Variants in LARP1B observed in about 807,000 individuals in gnomAD.
LARP1B encodes la-related protein 1B.
Under a neutral mutation model 114.2 loss-of-function variants are expected in LARP1B, and 76 were observed. That is an observed-to-expected ratio of 0.67 (90% confidence interval 0.55 to 0.81). The LOEUF (loss-of-function observed/expected upper bound fraction) is 0.81. LARP1B is among the 30% of genes least tolerant of loss of function. The pLI, the probability that LARP1B is intolerant of heterozygous loss-of-function variation, is 0.00. For missense variants in LARP1B, 1,014 were observed against 1,075.8 expected, an observed-to-expected ratio of 0.94 and a Z score of 0.80; for synonymous variants, 345 against 348.0, an observed-to-expected ratio of 0.99 and a Z score of 0.10.
rs373381716 is a variant in LARP1B, at chr4:128,115,706, G to A, written c.1161+964G>A. Among the ~76,000 whole-genome samples the A allele has an allele frequency of 2.0e-5, 3 of 152,328 alleles. No individual in the cohort carries two copies. The East Asian group carries it at 5.8e-4, about 29-fold the overall frequency. ...GTCTCGCTCTGTCGCCCAGGCTGGGGTGCTGTTGCTGCCATGTTGGCTCAC... is the reference window on the plus strand; with the variant it reads ...GTCTCGCTCTGTCGCCCAGGCTGGGATGCTGTTGCTGCCATGTTGGCTCAC... On this transcript the variant is annotated intron_variant, in intron 10 of 19. Coordinates refer to ENST00000326639, the MANE Select transcript of LARP1B (RefSeq NM_018078.4).
chr4:128,153,409 C>T (rs1334163510), intron 11 of LARP1B, among the ~76,000 whole-genome samples: 5 of 151,688 alleles, frequency 3.3e-5, no homozygotes, highest in East Asian at 1.9e-4. Context: ...TTCCGCCTCC[C>T]GGATTCAAGC....
chr4:128,108,198 G>A (rs981531145), intron 9 of LARP1B: 9 of 1,203,324 alleles, frequency 7.5e-6, no homozygotes, highest in Admixed American at 4.3e-5. Flanking sequence ...TGGTGGGAAA[G>A]TTAATTATTA....
At chr4:128,194,730 G>A (rs1474800335) in intron 15 of LARP1B, among the ~76,000 whole-genome samples, 1 of 147,964 alleles carries the variant, frequency 6.8e-6, no homozygotes, top group East Asian at 2.0e-4. Flanking sequence ...GGCTGGATGT[G>A]GTGGCGCTCA....
intron 17 of LARP1B, among the ~76,000 whole-genome samples, chr4:128,201,266 C>T (rs1047073534): frequency 6.6e-6 from 1 of 152,144 alleles, no homozygotes; most frequent in Non-Finnish European, 1.5e-5. Flanking sequence ...TAGGAGGGTA[C>T]TACACAAGGT....
downstream of LARP1B, among the ~76,000 whole-genome samples, chr4:128,213,027 TC>T (rs1236229785): frequency 8.8e-5 from 13 of 146,978 alleles, no homozygotes; most frequent in African/African-American, 1.7e-4. Context: ...CAAGCAATTC[TC>T]CCGCCTCAGC....
chr4:128,178,364 A>T, intron 13 of LARP1B, 67 bp from the exon 14 acceptor site: 1 of 1,133,088 alleles, frequency 8.8e-7, no homozygotes, highest in Non-Finnish European at 1.3e-6. Context: ...TTACAAAATT[A>T]TCCTTATTCT....
intron 11 of LARP1B, among the ~76,000 whole-genome samples, chr4:128,147,676 T>A (rs1343859387): frequency 6.6e-6 from 1 of 152,164 alleles, no homozygotes; most frequent in African/African-American, 2.4e-5. Flanking sequence ...TGACCCAGAA[T>A]TCAAAATTAA....
chr4:128,065,325 C>CTCTCTCTCTTTCCTTT (rs1762281281), intron 1 of LARP1B, among the ~76,000 whole-genome samples: 1 of 125,628 alleles, frequency 8.0e-6, no homozygotes, highest in South Asian at 2.6e-4. Flanking sequence ...TTCTCTCTCT[C>CTCTCTCTCTTTCCTTT]TCTCTCTTTC....
In LARP1B at chr4:128,109,926, C is replaced by T. The variant is rs189366064; in HGVS notation, c.988+2613C>T. On this transcript the variant is annotated intron_variant, in intron 9 of 19. Coordinates refer to ENST00000326639, the MANE Select transcript of LARP1B (RefSeq NM_018078.4). ...GATATTTTTTTTGTTGTTGTTGAGA[C>T]GGAGCCTCACTCTGTCGCTCAGGCT... Among the ~76,000 whole-genome samples the T allele has an allele frequency of 5.9e-4, 89 of 151,502 alleles. 1 individual carries two copies. Among genetic ancestry groups the T allele is most frequent in the Non-Finnish European group, 1.1e-3 (75 of 67,990 alleles).
In LARP1B at chr4:128,210,351, C is replaced by T; in HGVS notation, c.*298C>T. The T allele has an allele frequency of 8.9e-7, 1 of 1,120,432 alleles. No individual in the cohort carries two copies. The allele number at this position is 1,120,432 out of a possible 1,614,324, so 69.4% of individuals were successfully genotyped here. A position where few individuals can be genotyped will look rare whatever the true frequency, so the allele number is the denominator to read the frequency against. ...TTGATCTCAGATTTCTTTTTCAAAG[C>T]CATGGTTTTACAAAAACAGCATTCC... On this transcript the variant is annotated 3_prime_UTR_variant, in exon 20 of 20. Coordinates refer to ENST00000326639, the MANE Select transcript of LARP1B (RefSeq NM_018078.4).
chr4:128,138,790 T>C (rs1726592367), intron 11 of LARP1B, among the ~76,000 whole-genome samples: 1 of 152,074 alleles, frequency 6.6e-6, no homozygotes, highest in Admixed American at 6.6e-5. Context: ...AAATCCTATC[T>C]CTACTAAAAA....
At chr4:128,122,313 T>C (rs1788205035) in intron 11 of LARP1B, 125 bp downstream of exon 11, 1 of 1,495,996 alleles carries the variant, frequency 6.7e-7, no homozygotes, top group African/African-American at 1.4e-5. Context: ...TGTATTTAAC[T>C]TGAAAAATTC....
intron 11 of LARP1B, among the ~76,000 whole-genome samples, chr4:128,145,990 G>T (rs1015329810): frequency 1.3e-5 from 2 of 152,148 alleles, no homozygotes; most frequent in African/African-American, 4.8e-5. Flanking sequence ...ATCACTATTG[G>T]TGTTAAATTA....
At chr4:128,220,013 G>A (rs1342346119) in intron 6 of LARP1B, among the ~76,000 whole-genome samples, 2 of 152,130 alleles carry the variant, frequency 1.3e-5, no homozygotes, top group Admixed American at 6.5e-5. Context: ...AGCCTCCTGA[G>A]TAGCTGGGAT....
intron 5 of LARP1B, among the ~76,000 whole-genome samples, chr4:128,090,470 G>A (rs1216878777): frequency 6.6e-6 from 1 of 152,156 alleles, no homozygotes; most frequent in Non-Finnish European, 1.5e-5. Context: ...TTTTCCCATT[G>A]AGTGGTTGTG....
chr4:128,154,274 A>G (rs1450687738), intron 11 of LARP1B, among the ~76,000 whole-genome samples: 1 of 152,120 alleles, frequency 6.6e-6, no homozygotes, highest in African/African-American at 2.4e-5. Flanking sequence ...TCTGAGTGGG[A>G]GCAACAGTGG....
intron 9 of LARP1B, among the ~76,000 whole-genome samples, chr4:128,109,219 T>G (rs979723259): frequency 6.6e-6 from 1 of 152,142 alleles, no homozygotes; most frequent in Non-Finnish European, 1.5e-5. Flanking sequence ...ACCAAAAATT[T>G]GAAGTGGAAA....
chr4:128,108,823 G>C, intron 9 of LARP1B: 1 of 984,050 alleles, frequency 1.0e-6, no homozygotes, highest in East Asian at 1.1e-4. Flanking sequence ...TGCAGGGTAG[G>C]TAAGATAGGT....
intron 9 of LARP1B, among the ~76,000 whole-genome samples, chr4:128,112,350 G>T (rs1784401033): frequency 6.6e-6 from 1 of 151,576 alleles, no homozygotes; most frequent in Admixed American, 6.6e-5. Flanking sequence ...TTTTTAGCGG[G>T]GTTGGGAGTA....
Sources: allele counts gnomAD v4.1 joint callset (sites outside exome capture counted in the v4.1 genomes callset), GRCh38; gene constraint gnomAD v4.1.1; transcripts MANE v1.5; gene names NCBI Gene and HGNC (gene_info 2026-07-23, HGNC 2026-07-21).